JAK1: variants seen among roughly 807,000 people sequenced by gnomAD.
JAK1 encodes the protein tyrosine-protein kinase JAK1.
A neutral mutation model predicts 136.6 loss-of-function variants in JAK1; 16 were observed. That is an observed-to-expected ratio of 0.12 (90% CI 0.08 to 0.18). The LOEUF is 0.18. Among genes scored for constraint, JAK1 ranks in the 10% least tolerant of loss-of-function variants. The probability of loss-of-function intolerance (pLI) is 1.00; values close to 1 mark genes in which losing one functional copy is unlikely to be tolerated. For missense variants in JAK1, 859 were observed against 1,450.1 expected (o/e 0.59, Z 6.62); for synonymous variants, 492 against 519.5 (o/e 0.95, Z 0.72).
chr1:64,998,718 T>A (rs1411712078), intron 2 of JAK1, among the ~76,000 whole-genome samples: 1 of 152,142 alleles, frequency 6.6e-6, no homozygotes, highest in East Asian at 1.9e-4. Context: ...TCTCAGGAGA[T>A]CTGATGGTTT....
At chr1:64,877,968 T>G (rs1317332947) in intron 4 of JAK1, among the ~76,000 whole-genome samples, 3 of 152,196 alleles carry the variant, frequency 2.0e-5, no homozygotes, top group Admixed American at 6.5e-5. Flanking sequence ...TCAAAGAAAG[T>G]TAGATCTGGT....
At chr1:64,846,611 G>A (rs2101007251) in intron 14 of JAK1, 38 bp downstream of exon 14, 1 of 1,529,344 alleles carries the variant, frequency 6.5e-7, no homozygotes, top group Admixed American at 1.7e-5. Context: ...AAGCTCCCCA[G>A]CCAGGCCACC....
chr1:64,952,276 G>T (rs1569702724), intron 1 of JAK1, among the ~76,000 whole-genome samples: 1 of 152,176 alleles, frequency 6.6e-6, no homozygotes, highest in South Asian at 2.1e-4. Flanking sequence ...AGTGAGCTTA[G>T]GGATTGTGAA....
chr1:64,862,998 CA>C (rs1656444580), intron 8 of JAK1, among the ~76,000 whole-genome samples: 1 of 151,818 alleles, frequency 6.6e-6, no homozygotes, highest in Non-Finnish European at 1.5e-5. Flanking sequence ...GCCTAATATC[CA>C]GGATGCAGCA....
In JAK1 at chr1:65,018,486, G is replaced by C. The variant is rs200614114; in HGVS notation, c.-78+25994C>G. On this transcript the variant is annotated intron_variant, in intron 2 of 25. Coordinates refer to the JAK1 transcript ENST00000671954. ...ACAGAGAGAGAGAGAGAGAGAGAGA[G>C]AACACACACACACACACACACACAC... is the stretch of plus-strand genomic sequence containing the variant. 5.4e-3 allele frequency among the ~76,000 whole-genome samples: 522 copies of C among 97,194 alleles called. 4 individuals carry two copies. The highest frequency in any genetic ancestry group is 0.023 in the African/African-American group (422 of 18,576). 63.8% of individuals were successfully genotyped at this position (97,194 alleles called of 152,430 possible). A position where few individuals can be genotyped will look rare whatever the true frequency, so the allele number is the denominator to read the frequency against.
chr1:65,066,146 C>T (rs1648030452), intron 1 of JAK1, among the ~76,000 whole-genome samples: 1 of 152,160 alleles, frequency 6.6e-6, no homozygotes, highest in Admixed American at 6.5e-5. Flanking sequence ...GGGATAAGCA[C>T]AGGTGTGGTC....
chr1:64,969,518 T>A (rs990771652), upstream of JAK1, among the ~76,000 whole-genome samples: 8 of 151,240 alleles, frequency 5.3e-5, no homozygotes. Flanking sequence ...GAACCACTAG[T>A]CTAGGGATAA....
intron 19 of JAK1, among the ~76,000 whole-genome samples, chr1:64,840,818 G>A (rs1490425347): frequency 2.6e-5 from 4 of 152,030 alleles, no homozygotes; most frequent in East Asian, 3.9e-4. Context: ...GACACAGAGC[G>A]AGACCCTGTC....
At chr1:64,954,216 G>A (rs1346870015) in intron 1 of JAK1, among the ~76,000 whole-genome samples, 2 of 152,192 alleles carry the variant, frequency 1.3e-5, no homozygotes, top group East Asian at 1.9e-4. Flanking sequence ...ATGCCAGAGA[G>A]CCTCAGATTT....
At chr1:65,007,746 T>G (rs1480446528) in intron 2 of JAK1, among the ~76,000 whole-genome samples, 4 of 121,670 alleles carry the variant, frequency 3.3e-5, no homozygotes, top group East Asian at 4.2e-4. Flanking sequence ...TATAGGTATG[T>G]TTTTTTTTTT....
chr1:64,941,788 T>C lies in JAK1; in HGVS notation c.-78+24545A>G, dbSNP rs188689048. 7.9e-5 allele frequency among the ~76,000 whole-genome samples: 12 copies of C among 152,302 alleles called. No individual in the cohort carries two copies. The East Asian group carries it at 2.1e-3, about 27-fold the overall frequency. On this transcript the variant is annotated intron_variant, in intron 1 of 24. Transcript: ENST00000342505. Reference sequence around the variant, plus strand: ...ACTCTCTAAGTTTAGTGGAAATGTCTGAATCTAAAGACCAAAGGAAAAGCC... The same window carrying C: ...ACTCTCTAAGTTTAGTGGAAATGTCCGAATCTAAAGACCAAAGGAAAAGCC...
At chr1:64,842,983 T>C (rs1408540386) in intron 17 of JAK1, among the ~76,000 whole-genome samples, 27 of 152,142 alleles carry the variant, frequency 1.8e-4, no homozygotes. Flanking sequence ...TCGGGGCCCC[T>C]GTCTCCCTCC....
rs1655081081 is a variant in JAK1 at position 64,844,155 on chromosome 1, C to T, written c.2312G>A (p.Ser771Asn). 1.2e-6 allele frequency: 2 copies of T among 1,614,116 alleles called. No homozygotes were observed. The highest frequency in any genetic ancestry group is 1.7e-5 in the Admixed American group (1 of 60,012). The change falls in exon 17 of 25, where the codon AGT becomes AAT. Residue 771 changes from serine to asparagine, a missense_variant. By Grantham distance (46) the Ser-to-Asn change is conservative. Coordinates refer to ENST00000342505, the MANE Select transcript of JAK1 (RefSeq NM_002227.4). This position sits in a 1 kb window ranked among gnomAD's most constrained non-coding sequence, Gnocchi z 5.7. ...AAAGCTCCACTTGTCAGCAGCCACA[C>T]TCAGGTTCTTGGAGTCCTCAACACA... ...PECVEDSKNL[S>N]VAADKWSFGT...
intron 1 of JAK1, among the ~76,000 whole-genome samples, chr1:64,890,695 G>A (rs1291640135): frequency 3.3e-5 from 5 of 152,160 alleles, no homozygotes; most frequent in Admixed American, 2.0e-4. Flanking sequence ...ATGTGTAAGT[G>A]TACAAAAAGG....
At position 65,021,911 on chromosome 1, in the gene JAK1, G is replaced by T. The variant is rs1004814511; in HGVS notation, c.-78+22569C>A. ...TAGAAGCTCAGCCTCCTGACTTTCA[G>T]ACTCATTTGCTTCCCACATACTGGA... On this transcript the variant is annotated intron_variant, in intron 2 of 25. Transcript: ENST00000671954. 1.5e-4 allele frequency among the ~76,000 whole-genome samples: 23 copies of T among 152,270 alleles called. 1 individual carries two copies. The East Asian group carries it at 4.1e-3, about 27-fold the overall frequency.
intron 1 of JAK1, among the ~76,000 whole-genome samples, chr1:64,933,328 ACAT>A (rs1351052076): frequency 3.3e-5 from 5 of 152,226 alleles, no homozygotes; most frequent in Non-Finnish European, 5.9e-5. Flanking sequence ...CACCATCCAG[ACAT>A]CAGATGTGAC....
Position 65,056,546 on chromosome 1 carries a change from G to A in JAK1, c.-181+11058C>T, listed in dbSNP as rs139347939. Among the ~76,000 whole-genome samples the A allele has an allele frequency of 1.3e-3, 193 of 152,316 alleles. 2 individuals carry two copies. The highest frequency in any genetic ancestry group is 6.8e-3 in the Middle Eastern group (2 of 292). On this transcript the variant is annotated intron_variant, in intron 1 of 25. Coordinates refer to the JAK1 transcript ENST00000671954. ...CCTTTCTTCCCCATTGTGTCCCAGT[G>A]GAGGACCTGATAATACACCTGACCC... is the stretch of plus-strand genomic sequence containing the variant.
intron 5 of JAK1, among the ~76,000 whole-genome samples, chr1:64,870,902 G>T (rs1657036054): frequency 6.6e-6 from 1 of 152,150 alleles, no homozygotes; most frequent in African/African-American, 2.4e-5. Flanking sequence ...ACCTGAAACT[G>T]TCCTGTTGGC....
At chr1:65,032,828 T>C (rs1647035793) in intron 2 of JAK1, among the ~76,000 whole-genome samples, 2 of 152,204 alleles carry the variant, frequency 1.3e-5, no homozygotes, top group African/African-American at 4.8e-5. Flanking sequence ...TTAGGTGCTA[T>C]GAAAATGTAA....
Sources: gnomAD v4.1 joint callset for allele counts (sites outside exome capture counted in the v4.1 genomes callset) on GRCh38, gnomAD v4.1.1 for gene constraint, Gnocchi (gnomAD v3.1) non-coding constraint, MANE v1.5 for transcripts, NCBI Gene and HGNC (gene_info 2026-07-23, HGNC 2026-07-21) for gene names.